The following CDK13 variants were observed in gnomAD, a reference collection of about 807,000 sequenced individuals.
The protein encoded by CDK13 is cyclin-dependent kinase 13.
In CDK13, 40 loss-of-function variants were observed where a neutral mutation model predicts 137.6. The observed-to-expected ratio is 0.29, with a 90% CI of 0.23 to 0.38. CDK13 has a LOEUF of 0.38. CDK13 is among the 10% of genes least tolerant of loss of function. CDK13 has a pLI of 1.00. For missense variants in CDK13, 1,704 were observed against 1,951.8 expected, an observed-to-expected ratio of 0.87 and a Z score of 2.39; for synonymous variants, 869 against 760.1, an observed-to-expected ratio of 1.14 and a Z score of -2.36.
rs79035201 is a variant in CDK13, at chr7:40,030,554, C to T, written c.2354-15282C>T. On this transcript the variant is annotated intron_variant, in intron 5 of 13. Transcript: ENST00000181839. Reference sequence around the variant, plus strand: ...CAGCTGGGATTACAGGTGCGCACCACCATGCCTGGCTAATTTGTATTTTTA... The same window carrying T: ...CAGCTGGGATTACAGGTGCGCACCATCATGCCTGGCTAATTTGTATTTTTA... 1.6e-3 allele frequency among the ~76,000 whole-genome samples: 247 copies of T among 151,398 alleles called. 5 individuals are homozygous for T. In the East Asian group the frequency reaches 0.043, roughly 27 times the overall value.
At chr7:40,055,524 A>G (rs1356337585) in intron 7 of CDK13, among the ~76,000 whole-genome samples, 1 of 151,492 alleles carries the variant, frequency 6.6e-6, no homozygotes, top group Non-Finnish European at 1.5e-5. Context: ...GACAGTTGGT[A>G]GCCAAATCTA....
intron 8 of CDK13, 39 bp downstream of exon 8, chr7:40,062,966 CT>C: frequency 6.2e-7 from 1 of 1,603,028 alleles, no homozygotes; most frequent in Non-Finnish European, 8.5e-7. Context: ...TTACTTGAAA[CT>C]TTTGGTAGTG....
rs886997268 is a variant in CDK13 at position 39,978,759 on chromosome 7, C to T, written c.1212-8840C>T. 1.9e-4 allele frequency among the ~76,000 whole-genome samples: 29 copies of T among 152,144 alleles called. 1 individual carries two copies. Among genetic ancestry groups the T allele is most frequent in the African/African-American group, 6.8e-4 (28 of 41,430 alleles). On this transcript the variant is annotated intron_variant, in intron 1 of 13. Coordinates refer to ENST00000181839, the MANE Select transcript of CDK13 (RefSeq NM_003718.5). ...TGAGACACAGCATTTCTGACAAGCT[C>T]ACAATTGGTGCTGATGCTGCCTGTC... is the stretch of plus-strand genomic sequence containing the variant.
intron 2 of CDK13, among the ~76,000 whole-genome samples, chr7:39,989,522 G>A (rs1321064517): frequency 6.6e-6 from 1 of 152,006 alleles, no homozygotes; most frequent in Non-Finnish European, 1.5e-5. Flanking sequence ...TAATTCTTGA[G>A]TTTCATGCCC....
intron 9 of CDK13, chr7:40,073,591 T>A (rs1377337978): frequency 6.8e-6 from 1 of 146,966 alleles, no homozygotes; most frequent in African/African-American, 2.5e-5. Context: ...TTTTTCTTTC[T>A]TTCTTTTTTT....
chr7:40,013,035 A>T (rs1784929689), intron 5 of CDK13, among the ~76,000 whole-genome samples: 1 of 152,208 alleles, frequency 6.6e-6, no homozygotes, highest in Admixed American at 6.5e-5. Flanking sequence ...GGAAGAATTG[A>T]TAAGCAAAAT....
intron 2 of CDK13, among the ~76,000 whole-genome samples, chr7:39,988,961 G>A (rs1312199973): frequency 6.6e-6 from 1 of 151,640 alleles, no homozygotes; most frequent in Non-Finnish European, 1.5e-5. Flanking sequence ...GCAGGTGCCT[G>A]TAATCCCAGC....
intron 5 of CDK13, among the ~76,000 whole-genome samples, chr7:40,044,116 C>T (rs887602672): frequency 1.3e-5 from 2 of 151,850 alleles, no homozygotes; most frequent in Non-Finnish European, 2.9e-5. Flanking sequence ...AGGCTGGTCT[C>T]TAACTCCTGA....
chr7:39,956,673 G>A (rs1038427833), intron 1 of CDK13, among the ~76,000 whole-genome samples: 2 of 151,972 alleles, frequency 1.3e-5, no homozygotes, highest in East Asian at 3.9e-4. Flanking sequence ...CAGCAGCTTC[G>A]AACTCCTGGG....
intron 7 of CDK13, among the ~76,000 whole-genome samples, chr7:40,052,979 C>A (rs1785926404): frequency 6.6e-6 from 1 of 152,052 alleles, no homozygotes; most frequent in African/African-American, 2.4e-5. Context: ...TTACTAATAA[C>A]AGATGAATGA....
At chr7:39,973,965 C>T (rs1784053434) in intron 1 of CDK13, among the ~76,000 whole-genome samples, 1 of 152,172 alleles carries the variant, frequency 6.6e-6, no homozygotes, top group African/African-American at 2.4e-5. Context: ...ATGCCAGTAC[C>T]ACACAGTCTT....
At chr7:40,018,798 G>A (rs546276830) in intron 5 of CDK13, among the ~76,000 whole-genome samples, 1 of 152,196 alleles carries the variant, frequency 6.6e-6, no homozygotes, top group South Asian at 2.1e-4. Flanking sequence ...CACTACTCGG[G>A]TGACAGGGGC....
In CDK13 at chr7:40,095,135, CA is replaced by C. The variant is rs369277589; in HGVS notation, c.*163del. 1.6e-5 allele frequency: 9 copies of C among 557,840 alleles called. No individual in the cohort carries two copies. Among genetic ancestry groups the C allele is most frequent in the Non-Finnish European group, 2.5e-5 (9 of 366,026 alleles). The allele number at this position is 557,840 out of a possible 1,614,324, so 34.6% of individuals were successfully genotyped here. On this transcript the variant is annotated 3_prime_UTR_variant, in exon 14 of 14. Transcript: ENST00000181839. The stretch of plus-strand genomic sequence containing the variant: ...CTTGCATACAATAGTTTAAAAAAGA[CA>C]AAAAAAACCTTTGCTTAAATTCATG...
chr7:40,002,428 T>C (rs1784702093), intron 5 of CDK13, among the ~76,000 whole-genome samples: 2 of 152,168 alleles, frequency 1.3e-5, no homozygotes, highest in African/African-American at 4.8e-5. Context: ...TCTGAAAGTG[T>C]GGAGGCAAAA....
At chr7:39,977,566 C>T (rs963866604) in intron 1 of CDK13, among the ~76,000 whole-genome samples, 1 of 152,132 alleles carries the variant, frequency 6.6e-6, no homozygotes, top group African/African-American at 2.4e-5. Flanking sequence ...TGCTGAGATA[C>T]GAAGTATCCT....
chr7:40,087,432 T>C (rs949220693), intron 11 of CDK13, among the ~76,000 whole-genome samples: 1 of 152,096 alleles, frequency 6.6e-6, no homozygotes, highest in African/African-American at 2.4e-5. Context: ...CGTGAGCCAC[T>C]GTGCCTGGCT....
At chr7:40,093,915 A>C (rs1038606941) in intron 13 of CDK13, among the ~76,000 whole-genome samples, 10 of 140,426 alleles carry the variant, frequency 7.1e-5, no homozygotes, top group Non-Finnish European at 1.2e-4. Context: ...CCAAAAAAAA[A>C]AAAAAAAATT....
chr7:40,077,974 A>T, intron 9 of CDK13, 31 bp from the exon 10 acceptor site: 1 of 941,576 alleles, frequency 1.1e-6, no homozygotes, highest in South Asian at 1.8e-5. Context: ...TGTAGTTGAT[A>T]GTGATGTACT....
intron 1 of CDK13, among the ~76,000 whole-genome samples, chr7:39,970,926 G>A (rs946512052): frequency 6.6e-6 from 1 of 152,134 alleles, no homozygotes; most frequent in Non-Finnish European, 1.5e-5. Context: ...TCCTCTGGCT[G>A]GAGGAATGGC....
Sources: allele counts gnomAD v4.1 joint callset (sites outside exome capture counted in the v4.1 genomes callset), GRCh38; gene constraint gnomAD v4.1.1; transcripts MANE v1.5; gene names NCBI Gene and HGNC (gene_info 2026-07-23, HGNC 2026-07-21).